The following FGF13 variants were observed in gnomAD, a reference collection of about 807,000 sequenced individuals.
FGF13 encodes the protein fibroblast growth factor 13.
A neutral mutation model predicts 19.5 loss-of-function variants in FGF13; 2 were observed. That is an observed-to-expected ratio of 0.10 (90% CI 0.04 to 0.32). The LOEUF (loss-of-function observed/expected upper bound fraction) is 0.32. Ranked by LOEUF, FGF13 falls within the 10% of genes least tolerant of loss-of-function variation. The probability of loss-of-function intolerance (pLI) is 1.00; values close to 1 mark genes in which losing one functional copy is unlikely to be tolerated. For missense variants in FGF13, 113 were observed against 192.7 expected, an observed-to-expected ratio of 0.59 and a Z score of 2.45; for synonymous variants, 72 against 76.9, an observed-to-expected ratio of 0.94 and a Z score of 0.33.
intron 3 of FGF13, among the ~76,000 whole-genome samples, chrX:138,768,691 T>A: frequency 1.0e-5 from 1 of 100,401 alleles, no homozygotes; most frequent in Non-Finnish European, 2.0e-5. Context: ...TACTTATATA[T>A]AAGTATATAT....
chrX:139,014,734 T>C (rs2092145765), intron 1 of FGF13, among the ~76,000 whole-genome samples: 1 of 111,591 alleles, frequency 9.0e-6, no homozygotes, highest in Non-Finnish European at 1.9e-5. Context: ...GGTATTATCC[T>C]GATACCAAAG....
intron 1 of FGF13, among the ~76,000 whole-genome samples, chrX:138,984,510 AGGAAGAAGAAG>A (rs2091978993): frequency 3.1e-5 from 2 of 65,482 alleles, no homozygotes; most frequent in African/African-American, 1.3e-4. Flanking sequence ...GGAGAAGAAG[AGGAAGAAGAAG>A]AGGAAGAAGA....
At chrX:138,760,169 GATCGATGTTATTTAT>G (rs1356833393) in intron 3 of FGF13, among the ~76,000 whole-genome samples, 2 of 111,175 alleles carry the variant, frequency 1.8e-5, no homozygotes, top group Non-Finnish European at 3.8e-5. Flanking sequence ...CGTTAACCCA[GATCGATGTTATTTAT>G]ATTGTCGTGC....
intron 1 of FGF13, among the ~76,000 whole-genome samples, chrX:138,902,628 A>C (rs888330537): frequency 8.9e-6 from 1 of 111,867 alleles, no homozygotes; most frequent in African/African-American, 3.2e-5. Flanking sequence ...AACAAGTAGA[A>C]AGGATAAAAG....
At chrX:139,162,412 C>T (rs919005028) in intron 1 of FGF13, among the ~76,000 whole-genome samples, 6 of 110,730 alleles carry the variant, frequency 5.4e-5, no homozygotes, top group African/African-American at 2.0e-4. Context: ...ATGGATTAAA[C>T]GTTAAGACCT....
At chrX:138,680,763 C>T (rs1381704353) in intron 3 of FGF13, among the ~76,000 whole-genome samples, 1 of 111,333 alleles carries the variant, frequency 9.0e-6, no homozygotes, top group Non-Finnish European at 1.9e-5. Flanking sequence ...ACACTAGCTC[C>T]TAACATGAGA....
At chrX:139,021,226 T>G (rs956584889) in intron 1 of FGF13, among the ~76,000 whole-genome samples, 1 of 111,125 alleles carries the variant, frequency 9.0e-6, no homozygotes, top group Non-Finnish European at 1.9e-5. Context: ...TTAAGAGATA[T>G]GCTTTTGGAG....
At chrX:138,714,371 C>CGTA (rs2090081752), upstream of FGF13, 1 of 112,322 alleles carries the variant, frequency 8.9e-6, no homozygotes, top group Non-Finnish European at 1.9e-5. Context: ...ATTGGCCAGG[C>CGTA]GTAGTGCCTC....
intron 3 of FGF13, among the ~76,000 whole-genome samples, chrX:138,751,748 C>T (rs1190286632): frequency 5.4e-5 from 6 of 111,730 alleles, no homozygotes; most frequent in Admixed American, 1.9e-4. Flanking sequence ...GAGGTGTATC[C>T]ATGGTCAAAA....
chrX:139,032,157 G>A (rs1020905364), intron 1 of FGF13, among the ~76,000 whole-genome samples: 2 of 111,418 alleles, frequency 1.8e-5, no homozygotes, highest in Admixed American at 1.9e-4. Flanking sequence ...TAAGTAACAG[G>A]GCTAAGCAGA....
chrX:139,051,950 G>A (rs1402281181), intron 1 of FGF13, among the ~76,000 whole-genome samples: 4 of 112,374 alleles, frequency 3.6e-5, no homozygotes, highest in Admixed American at 9.4e-5. Flanking sequence ...AGTCTCTGAA[G>A]CTTTAGTTCT....
rs1379988231 is a variant in FGF13, at chrX:138,983,391, C to A, written c.-112-118741G>T. Among the ~76,000 whole-genome samples, 262 of 72,114 alleles carry A rather than the reference C, an allele frequency of 3.6e-3. 2 individuals carry two copies. The highest frequency in any genetic ancestry group is 0.012 in the African/African-American group (248 of 20,775). 62.6% of individuals were successfully genotyped at this position (72,114 alleles called of 115,157 possible). The stretch of plus-strand genomic sequence containing the variant: ...CTTTCCCCATTGTGTATTCTTGGCA[C>A]CCTTATCAAAGATAAGTTGATCTTA... On this transcript the variant is annotated intron_variant, in intron 1 of 2. Coordinates refer to the FGF13 transcript ENST00000421460.
upstream of FGF13, among the ~76,000 whole-genome samples, chrX:138,740,883 G>C (rs774656004): frequency 1.8e-5 from 2 of 112,472 alleles, no homozygotes; most frequent in Non-Finnish European, 3.8e-5. Context: ...TCTGTAGCCA[G>C]TCCTGTTTCC....
At chrX:138,884,666 G>A (rs1431787077) in intron 1 of FGF13, among the ~76,000 whole-genome samples, 1 of 111,805 alleles carries the variant, frequency 8.9e-6, no homozygotes, top group Admixed American at 9.5e-5. Flanking sequence ...ATTAAATGAC[G>A]TAAAGACAAA....
intron 3 of FGF13, among the ~76,000 whole-genome samples, chrX:138,682,649 A>G (rs1297153241): frequency 8.9e-6 from 1 of 112,379 alleles, no homozygotes; most frequent in African/African-American, 3.2e-5. Context: ...AAATAGTATT[A>G]GAAAAGTTGA....
chrX:138,953,313 C>G (rs2091823758), intron 1 of FGF13, among the ~76,000 whole-genome samples: 1 of 110,623 alleles, frequency 9.0e-6, no homozygotes, highest in Non-Finnish European at 1.9e-5. Context: ...TCATTCTGAG[C>G]AAACTATCGC....
chrX:138,842,629 C>T (rs1398618698), intron 3 of FGF13, among the ~76,000 whole-genome samples: 1 of 110,636 alleles, frequency 9.0e-6, no homozygotes. Flanking sequence ...ATTACACAGC[C>T]CAGTGGTTCT....
downstream of FGF13, among the ~76,000 whole-genome samples, chrX:138,856,870 G>T (rs944920141): frequency 8.9e-6 from 1 of 111,982 alleles, no homozygotes; most frequent in African/African-American, 3.2e-5. Context: ...GATATGGATT[G>T]CAATGAGTAC....
At chrX:138,914,521 C>G (rs1000955025) in intron 1 of FGF13, among the ~76,000 whole-genome samples, 7 of 110,327 alleles carry the variant, frequency 6.3e-5, no homozygotes, top group Non-Finnish European at 1.3e-4. Context: ...TTCATCTCTG[C>G]GTTTTTCTTT....
Sources: allele counts gnomAD v4.1 joint callset (sites outside exome capture counted in the v4.1 genomes callset), GRCh38; gene constraint gnomAD v4.1.1; transcripts MANE v1.5; gene names NCBI Gene and HGNC (gene_info 2026-07-23, HGNC 2026-07-21).